DMPK: variants seen among roughly 807,000 people sequenced by gnomAD.
The protein encoded by DMPK is myotonin-protein kinase.
DMPK carries 32 observed loss-of-function variants against 70.3 expected under a neutral mutation model. That is an observed-to-expected ratio of 0.46 (90% confidence interval 0.34 to 0.61). The LOEUF is 0.61. Ranked by LOEUF, DMPK falls within the 20% of genes least tolerant of loss-of-function variation. The probability of loss-of-function intolerance (pLI) is 0.01; values close to 1 mark genes in which losing one functional copy is unlikely to be tolerated. For synonymous variants in DMPK, 469 were observed against 390.9 expected (o/e 1.20, Z -2.36); for missense variants, 899 against 886.0 (o/e 1.01, Z -0.19).
rs1056289910 is a variant in DMPK at position 45,770,964 on chromosome 19, G to C, written c.1737+7C>G. ...CGGCGGAGGGGGGCGTGGGCAGCCGGACGTACCCTGGCAGGGAGCAGCAGG... is the reference window on the plus strand; with the variant it reads ...CGGCGGAGGGGGGCGTGGGCAGCCGCACGTACCCTGGCAGGGAGCAGCAGG... On this transcript the variant is annotated splice_region_variant and intron_variant, in intron 14 of 14. Coordinates refer to ENST00000291270, the MANE Select transcript of DMPK (RefSeq NM_004409.5). The C allele has an allele frequency of 7.0e-7, 1 of 1,423,390 alleles. No homozygotes were observed. 88.2% of individuals were successfully genotyped at this position (1,423,390 alleles called of 1,614,324 possible).
chr19:45,775,250 C>T (rs113695200), intron 8 of DMPK: 1 of 481,280 alleles, frequency 2.1e-6, no homozygotes, highest in African/African-American at 2.0e-5. Context: ...TCACTGCAAC[C>T]TCCGCCTCCC....
In DMPK at chr19:45,769,951, G is replaced by A. The variant is rs910862969; in HGVS notation, c.*537C>T. On this transcript the variant is annotated 3_prime_UTR_variant, in exon 15 of 15. Transcript: ENST00000291270. ...GAGAGCAGCGCAAGTGAGGAGGGGG[G>A]CGCGGGATCCCCGAAAAAGCGGGTT... is the stretch of plus-strand genomic sequence containing the variant. 9.6e-5 allele frequency: 30 copies of A among 313,608 alleles called. No individual in the cohort carries two copies. Among genetic ancestry groups the A allele is most frequent in the African/African-American group, 6.4e-4 (28 of 43,818 alleles). 19.4% of individuals were successfully genotyped at this position (313,608 alleles called of 1,614,324 possible). A position where few individuals can be genotyped will look rare whatever the true frequency, so the allele number is the denominator to read the frequency against.
chr19:45,782,266 GAGA>G lies in DMPK; in HGVS notation c.84_86del (p.Leu30del), dbSNP rs768263033. ...CGCCCAGCTCCTGGTGGACGCCCAGGAGAAGGTCGAGCAGGGGCTCCAGCCCCA... is the reference window on the plus strand; with the variant it reads ...CGCCCAGCTCCTGGTGGACGCCCAGGAGGTCGAGCAGGGGCTCCAGCCCCA... On this transcript the variant is annotated inframe_deletion, in exon 1 of 15. Transcript: ENST00000291270. 5 of 1,607,610 alleles carry G rather than the reference GAGA, an allele frequency of 3.1e-6. No homozygotes were observed. The South Asian group carries it at 3.3e-5, about 11-fold the overall frequency.
chr19:45,779,257 A>G lies in DMPK; in HGVS notation c.432+7T>C, dbSNP rs1295683392. 3 of 1,613,392 alleles carry G rather than the reference A, an allele frequency of 1.9e-6. No individual in the cohort carries two copies. Among genetic ancestry groups the G allele is most frequent in the East Asian group, 4.5e-5 (2 of 44,874 alleles). On this transcript the variant is annotated splice_region_variant and intron_variant, in intron 4 of 14. Coordinates refer to ENST00000291270, the MANE Select transcript of DMPK (RefSeq NM_004409.5). ...CCTCTTCCTAGTCACCCCGGCCCGG[A>G]GCTCACCAGGTAGTTCTCATCCTGG...
intron 8 of DMPK, 60 bp from the exon 9 acceptor site, chr19:45,775,094 G>A: frequency 7.3e-7 from 1 of 1,377,450 alleles, no homozygotes; most frequent in Non-Finnish European, 1.0e-6. Context: ...ACTGCTTTTT[G>A]ATCTTGGCTT....
At chr19:45,771,264 A>C in intron 13 of DMPK, 86 bp downstream of exon 13, 3 of 1,508,466 alleles carry the variant, frequency 2.0e-6, no homozygotes, top group Non-Finnish European at 2.7e-6. Flanking sequence ...GGTGAGCCCT[A>C]TATCTGGACG....
At chr19:45,779,001 CCAGGT>C (rs747174968) in intron 4 of DMPK, 2 of 586,602 alleles carry the variant, frequency 3.4e-6, no homozygotes, top group Non-Finnish European at 6.1e-6. Context: ...CTATCCCATT[CCAGGT>C]AAGAGACCCC....
intron 14 of DMPK, 81 bp from the exon 15 acceptor site, chr19:45,770,721 G>T (rs558779358): frequency 1.4e-6 from 2 of 1,452,018 alleles, no homozygotes; most frequent in South Asian, 2.7e-5. Flanking sequence ...GCCCATAGGT[G>T]GGCCCGCACT....
chr19:45,772,364 A>C, intron 10 of DMPK: 1 of 388,324 alleles, frequency 2.6e-6, no homozygotes, highest in South Asian at 4.3e-5. Flanking sequence ...TCGCCTGACC[A>C]CTTGGCACCT....
chr19:45,771,708 G>GA, intron 11 of DMPK, 43 bp from the exon 12 acceptor site: 1 of 1,611,726 alleles, frequency 6.2e-7, no homozygotes, highest in Non-Finnish European at 8.5e-7. Flanking sequence ...GGCCGGACGA[G>GA]AGGGGATGCC....
chr19:45,770,204 CCAGCAGCAGCAGCAGCAGCAGCAGCAG>C lies in DMPK; in HGVS notation c.*257_*283del. 83,402 of 708,726 alleles carry C rather than the reference CCAGCAGCAGCAGCAGCAGCAGCAGCAG, an allele frequency of 0.12. 6,518 individuals are homozygous for C. Among genetic ancestry groups the C allele is most frequent in the South Asian group, 0.2 (12,450 of 62,772 alleles). 43.9% of individuals were successfully genotyped at this position (708,726 alleles called of 1,614,324 possible). ...AAGAAAGAAATGGTCTGTGATCCCC[CCAGCAGCAGCAGCAGCAGCAGCAGCAG>C]CAGCAGCAGCAGCAGCAGCAGCAGC... is the stretch of plus-strand genomic sequence containing the variant. On this transcript the variant is annotated 3_prime_UTR_variant, in exon 15 of 15. Coordinates refer to ENST00000291270, the MANE Select transcript of DMPK (RefSeq NM_004409.5).
Position 45,778,548 on chromosome 19 carries a change from G to A in DMPK, c.526C>T (p.Leu176=). ...RIPAEMARFY[L]AEIVMAIDSV... is the part of the protein sequence containing the mutation. ...TCTATGGCCATGACAATCTCCGCCAGGTAGAAGCGCGCCATCTCGGCCGGA... is the reference window on the plus strand; with the variant it reads ...TCTATGGCCATGACAATCTCCGCCAAGTAGAAGCGCGCCATCTCGGCCGGA... The change falls in exon 5 of 15, where the codon CTG becomes TTG. Residue 176 remains leucine, a synonymous_variant. Coordinates refer to ENST00000291270, the MANE Select transcript of DMPK (RefSeq NM_004409.5). 6.2e-7 allele frequency: 1 copy of A among 1,614,010 alleles called. No individual in the cohort carries two copies. The highest frequency in any genetic ancestry group is 1.1e-5 in the South Asian group (1 of 91,088).
chr19:45,770,064 C>A lies in DMPK; in HGVS notation c.*424G>T. The A allele has an allele frequency of 2.0e-6, 1 of 487,868 alleles. No homozygotes were observed. Among genetic ancestry groups the A allele is most frequent in the Admixed American group, 2.9e-5 (1 of 34,700 alleles). The allele number at this position is 487,868 out of a possible 1,614,324, so 30.2% of individuals were successfully genotyped here. ...GCGTCATGCACAAGAAAGCTTTGCA[C>A]TTTGCGAACCAACGATAGGTGGGGG... On this transcript the variant is annotated 3_prime_UTR_variant, in exon 15 of 15. Coordinates refer to ENST00000291270, the MANE Select transcript of DMPK (RefSeq NM_004409.5).
At chr19:45,782,086 T>G in intron 1 of DMPK, 107 bp downstream of exon 1, 1 of 1,047,188 alleles carries the variant, frequency 9.5e-7, no homozygotes, top group Non-Finnish European at 1.3e-6. Flanking sequence ...GATCTCCCCA[T>G]GCCCATCCTG....
At chr19:45,770,694 G>T in intron 14 of DMPK, 54 bp from the exon 15 acceptor site, 1 of 1,531,278 alleles carries the variant, frequency 6.5e-7, no homozygotes, top group Non-Finnish European at 8.8e-7. Context: ...TTGGCTCCTG[G>T]GACTCGCCCC....
At chr19:45,775,116 C>A (rs935741057) in intron 8 of DMPK, 82 bp from the exon 9 acceptor site, 9 of 1,089,700 alleles carry the variant, frequency 8.3e-6, no homozygotes, top group East Asian at 2.6e-5. Flanking sequence ...CATGTTCCCC[C>A]CAAACCAGCC....
At chr19:45,778,105 T>C in intron 6 of DMPK, 22 bp downstream of exon 6, 9 of 1,590,342 alleles carry the variant, frequency 5.7e-6, no homozygotes, top group Non-Finnish European at 6.9e-6. Flanking sequence ...CCAGTTGCTC[T>C]GTGGCCAGGG....
rs780266570 is a variant in DMPK, at chr19:45,778,642, C to CTGAG, written c.433-5_433-2dup. The CTGAG allele has an allele frequency of 1.2e-6, 2 of 1,613,348 alleles. No homozygotes were observed. Among genetic ancestry groups the CTGAG allele is most frequent in the South Asian group, 2.2e-5 (2 of 91,060 alleles). On this transcript the variant is annotated splice_acceptor_variant, in intron 4 of 14. Coordinates refer to ENST00000291270, the MANE Select transcript of DMPK (RefSeq NM_004409.5). LOFTEE classifies it high-confidence loss of function. ...CCACGTAATACTCCATGACCAGGTA[C>CTGAG]TGAGAAGGGGTTCGTCATGGGTGGT...
In DMPK at chr19:45,770,102, G is replaced by T; in HGVS notation, c.*386C>A. 1 of 579,346 alleles carries T rather than the reference G, an allele frequency of 1.7e-6. No homozygotes were observed. The allele number at this position is 579,346 out of a possible 1,614,324, so 35.9% of individuals were successfully genotyped here. A position where few individuals can be genotyped will look rare whatever the true frequency, so the allele number is the denominator to read the frequency against. On this transcript the variant is annotated 3_prime_UTR_variant, in exon 15 of 15. Transcript: ENST00000291270. ...CGATAGGTGGGGGTGCGTGGAGGAT[G>T]GAACACGGACGGCCCGGCTTGCTGC...
Sources: allele counts gnomAD v4.1 joint callset, GRCh38; gene constraint gnomAD v4.1.1; transcripts MANE v1.5; gene names NCBI Gene and HGNC (gene_info 2026-07-23, HGNC 2026-07-21).